Variants in ZXDC observed in about 807,000 individuals in gnomAD.
The protein encoded by ZXDC is ZXD family zinc finger C, also known as zinc finger protein ZXDC.
ZXDC carries 58 observed loss-of-function variants against 63.6 expected under a neutral mutation model. The observed-to-expected ratio is 0.91, with a 90% CI of 0.74 to 1.13. ZXDC has a LOEUF of 1.13. ZXDC is among the 50% of genes most tolerant of loss of function. The probability of loss-of-function intolerance (pLI) is 0.00; values close to 1 mark genes in which losing one functional copy is unlikely to be tolerated. For missense variants in ZXDC, 1,133 were observed against 1,148.9 expected (o/e 0.99, Z 0.20); for synonymous variants, 561 against 496.1 (o/e 1.13, Z -1.74).
chr3:126,473,360 C>T (rs1167314012), intron 1 of ZXDC, among the ~76,000 whole-genome samples: 3 of 152,178 alleles, frequency 2.0e-5, no homozygotes, highest in Non-Finnish European at 4.4e-5. Flanking sequence ...CTTCAGAAAA[C>T]TCAGGTCTGG....
At chr3:126,453,330 C>G (rs548160220) in intron 7 of ZXDC, 1 of 985,328 alleles carries the variant, frequency 1.0e-6, no homozygotes, top group Admixed American at 6.1e-5. Flanking sequence ...GGCCATATCC[C>G]CTTAAGGATA....
At chr3:126,446,659 C>G (rs533890048) in intron 7 of ZXDC, among the ~76,000 whole-genome samples, 3 of 152,286 alleles carry the variant, frequency 2.0e-5, no homozygotes, top group African/African-American at 7.2e-5. Flanking sequence ...CCAATTCTCC[C>G]AAGGGTGGAA....
chr3:126,458,748 C>T (rs1934407779), intron 7 of ZXDC: 1 of 985,292 alleles, frequency 1.0e-6, no homozygotes, highest in Non-Finnish European at 1.2e-6. Context: ...GGTATATGGT[C>T]AACTCTTTCT....
intron 1 of ZXDC, among the ~76,000 whole-genome samples, chr3:126,473,264 C>A (rs573644638): frequency 6.6e-6 from 1 of 152,148 alleles, no homozygotes; most frequent in African/African-American, 2.4e-5. Context: ...ACCCCCCACA[C>A]CCCCATAGAT....
chr3:126,463,159 C>T (rs1934623801), intron 5 of ZXDC, among the ~76,000 whole-genome samples: 1 of 152,118 alleles, frequency 6.6e-6, no homozygotes, highest in Admixed American at 6.5e-5. Context: ...AGCTCCGCCT[C>T]CCGGGTTCAC....
intron 1 of ZXDC, among the ~76,000 whole-genome samples, chr3:126,473,686 C>T (rs78949607): frequency 0.04 from 6,056 of 152,196 alleles, 180 homozygotes; most frequent in Non-Finnish European, 0.062. Context: ...CAGGCATATG[C>T]GAGGGAAAAA....
intron 7 of ZXDC, chr3:126,454,368 T>C: frequency 1.0e-6 from 1 of 985,438 alleles, no homozygotes; most frequent in Non-Finnish European, 1.2e-6. Flanking sequence ...ATAGTTCTGT[T>C]GTAGGCTACA....
In ZXDC at chr3:126,475,311, G is replaced by A. The variant is rs1487103623; in HGVS notation, c.555C>T (p.Ala185=). The A allele has an allele frequency of 1.3e-6, 2 of 1,547,196 alleles. No homozygotes were observed. The highest frequency in any genetic ancestry group is 8.7e-7 in the Non-Finnish European group (1 of 1,145,124). ...YRCPEPQCAL[A]FAKKHQLKVH... ...CCTTGAGCTGGTGCTTCTTGGCGAAGGCCAGCGCGCACTGCGGCTCGGGGC... is the reference window on the plus strand; with the variant it reads ...CCTTGAGCTGGTGCTTCTTGGCGAAAGCCAGCGCGCACTGCGGCTCGGGGC... The change falls in exon 1 of 10, where the codon GCC becomes GCT. Residue 185 remains alanine (A), a synonymous_variant. Coordinates refer to ENST00000389709, the MANE Select transcript of ZXDC (RefSeq NM_025112.5).
At chr3:126,460,139 C>T (rs1232441681) in intron 6 of ZXDC, 5 of 985,426 alleles carry the variant, frequency 5.1e-6, no homozygotes, top group Non-Finnish European at 4.8e-6. Flanking sequence ...AGGCCCGGGG[C>T]AGGTCCCACC....
chr3:126,455,195 A>G (rs1439872669), intron 7 of ZXDC: 4 of 517,546 alleles, frequency 7.7e-6, no homozygotes, highest in Non-Finnish European at 7.5e-6. Context: ...ATTTAGCAAC[A>G]TAACTGACCT....
At chr3:126,447,660 G>A (rs1011627546) in intron 7 of ZXDC, among the ~76,000 whole-genome samples, 2 of 152,204 alleles carry the variant, frequency 1.3e-5, no homozygotes, top group Non-Finnish European at 2.9e-5. Flanking sequence ...ACAGCTGGCT[G>A]CTCTCTAGTA....
chr3:126,447,129 T>C lies in ZXDC; in HGVS notation c.2213-5183A>G, dbSNP rs568412390. Among the ~76,000 whole-genome samples, 658 of 152,346 alleles carry C rather than the reference T, an allele frequency of 4.3e-3. 5 individuals are homozygous for C. The highest frequency in any genetic ancestry group is 0.014 in the African/African-American group (602 of 41,566). On this transcript the variant is annotated intron_variant, in intron 7 of 9. Transcript: ENST00000389709. The stretch of plus-strand genomic sequence containing the variant: ...GCCTCCTCCCATCTCACAGCCTTCA[T>C]GGGTATTCTCACCAAGCTACCTTCC...
intron 7 of ZXDC, among the ~76,000 whole-genome samples, chr3:126,444,271 G>T (rs575057876): frequency 6.6e-6 from 1 of 152,176 alleles, no homozygotes; most frequent in African/African-American, 2.4e-5. Flanking sequence ...AGTGGCTCAC[G>T]CCTGTAATCC....
At chr3:126,450,807 A>T (rs145687810) in intron 7 of ZXDC, among the ~76,000 whole-genome samples, 65 of 152,372 alleles carry the variant, frequency 4.3e-4, no homozygotes, top group African/African-American at 1.5e-3. Flanking sequence ...CTGATCACCC[A>T]TTGGAACACT....
intron 4 of ZXDC, among the ~76,000 whole-genome samples, chr3:126,467,376 T>C (rs1576687594): frequency 6.6e-6 from 1 of 152,136 alleles, no homozygotes; most frequent in Admixed American, 6.5e-5. Flanking sequence ...GAGTGACACC[T>C]ACCTCACAGG....
chr3:126,455,644 C>G (rs569980354), intron 7 of ZXDC, among the ~76,000 whole-genome samples: 1 of 152,236 alleles, frequency 6.6e-6, no homozygotes, highest in South Asian at 2.1e-4. Flanking sequence ...AGAACTGGAG[C>G]AACAAAATAA....
chr3:126,474,817 T>G (rs1046850099), intron 1 of ZXDC, 142 bp downstream of exon 1: 2 of 1,009,692 alleles, frequency 2.0e-6, no homozygotes, highest in African/African-American at 1.6e-5. Context: ...TCGAATGACA[T>G]GGAAGGAGCT....
chr3:126,454,559 C>T (rs1211482768), intron 7 of ZXDC: 5 of 985,428 alleles, frequency 5.1e-6, no homozygotes, highest in Non-Finnish European at 6.0e-6. Flanking sequence ...CTAGACAACA[C>T]ACAGCGGAGA....
intron 3 of ZXDC, among the ~76,000 whole-genome samples, chr3:126,471,671 T>C (rs1274567761): frequency 1.3e-5 from 2 of 151,542 alleles, no homozygotes; most frequent in South Asian, 2.1e-4. Context: ...TGTAATTACA[T>C]GAAGAAAGCT....
Sources: gnomAD v4.1 joint callset for allele counts (sites outside exome capture counted in the v4.1 genomes callset) on GRCh38, gnomAD v4.1.1 for gene constraint, MANE v1.5 for transcripts, NCBI Gene and HGNC (gene_info 2026-07-23, HGNC 2026-07-21) for gene names.